PCDHA10: variants seen among roughly 807,000 people sequenced by gnomAD.
PCDHA10 encodes protocadherin alpha-10.
In PCDHA10, 45 loss-of-function variants were observed where a neutral mutation model predicts 61.2. The ratio of observed to expected loss-of-function variants is 0.74; its 90% CI spans 0.58 to 0.94. PCDHA10 has a LOEUF of 0.94. Ranked by LOEUF, PCDHA10 falls within the 40% of genes least tolerant of loss-of-function variation. The pLI, the probability that PCDHA10 is intolerant of heterozygous loss-of-function variation, is 0.00. For synonymous variants in PCDHA10, 602 were observed against 548.8 expected (o/e 1.10, Z -1.35); for missense variants, 1,278 against 1,236.2 (o/e 1.03, Z -0.51).
intron 1 of PCDHA10, among the ~76,000 whole-genome samples, chr5:140,905,211 G>A (rs1554191947): frequency 6.6e-6 from 1 of 152,130 alleles, no homozygotes; most frequent in Non-Finnish European, 1.5e-5. Flanking sequence ...GTTGATTTTT[G>A]TGTAAGGTGA....
chr5:140,863,171 C>T (rs782749533), intron 1 of PCDHA10: 11 of 696,670 alleles, frequency 1.6e-5, no homozygotes, highest in Non-Finnish European at 2.8e-5. Flanking sequence ...CTGGCGCTGA[C>T]TGCCACCGTC....
intron 1 of PCDHA10, chr5:140,869,938 T>TA (rs2051517617): frequency 6.2e-7 from 1 of 1,611,918 alleles, no homozygotes; most frequent in Admixed American, 1.7e-5. Context: ...AGAGGTAACA[T>TA]ACTCCTTAAT....
intron 3 of PCDHA10, among the ~76,000 whole-genome samples, chr5:140,994,912 A>G (rs2097655532): frequency 6.6e-6 from 1 of 152,222 alleles, no homozygotes; most frequent in Admixed American, 6.5e-5. Flanking sequence ...GTAGACTGGA[A>G]TCAGATTTTG....
chr5:140,889,403 C>T (rs1246037388), intron 1 of PCDHA10, among the ~76,000 whole-genome samples: 1 of 151,882 alleles, frequency 6.6e-6, no homozygotes, highest in Non-Finnish European at 1.5e-5. Flanking sequence ...TTAATTTACT[C>T]GAGTCAGTTA....
chr5:140,896,228 G>C (rs567886194), intron 1 of PCDHA10, among the ~76,000 whole-genome samples: 1 of 152,298 alleles, frequency 6.6e-6, no homozygotes, highest in South Asian at 2.1e-4. Context: ...CTTTATAGTA[G>C]AATGACTTAT....
intron 1 of PCDHA10, among the ~76,000 whole-genome samples, chr5:140,919,657 A>G (rs1341455821): frequency 3.9e-5 from 6 of 152,258 alleles, no homozygotes; most frequent in Non-Finnish European, 8.8e-5. Flanking sequence ...AGTTTACCAT[A>G]TATATTTTAG....
intron 1 of PCDHA10, among the ~76,000 whole-genome samples, chr5:140,899,543 G>C (rs1231734616): frequency 1.3e-5 from 2 of 152,144 alleles, no homozygotes; most frequent in Non-Finnish European, 2.9e-5. Flanking sequence ...CTTGATCATG[G>C]TGGATAAGCT....
rs1419215366 is a variant in PCDHA10, at chr5:141,010,888, T to G, written c.*951T>G. 2 of 153,748 alleles carry G rather than the reference T, an allele frequency of 1.3e-5. No homozygotes were observed. The highest frequency in any genetic ancestry group is 2.9e-5 in the Non-Finnish European group (2 of 68,032). The allele number at this position is 153,748 out of a possible 1,614,324, so 9.5% of individuals were successfully genotyped here. On this transcript the variant is annotated 3_prime_UTR_variant, in exon 4 of 4. Coordinates refer to ENST00000307360, the MANE Select transcript of PCDHA10 (RefSeq NM_018901.4). Reference sequence around the variant, plus strand: ...AGCTATAAATCTTTAAAGAGAAATATGAATACAATTCCCCTAAACTCTCCT... The same window carrying G: ...AGCTATAAATCTTTAAAGAGAAATAGGAATACAATTCCCCTAAACTCTCCT...
intron 1 of PCDHA10, among the ~76,000 whole-genome samples, chr5:140,886,636 G>A (rs555391002): frequency 2.6e-5 from 4 of 151,866 alleles, no homozygotes; most frequent in Non-Finnish European, 4.4e-5. Flanking sequence ...GACCAGCCTG[G>A]CCAACATGGT....
chr5:140,989,745 C>A (rs1554251059), intron 3 of PCDHA10, among the ~76,000 whole-genome samples: 2 of 152,154 alleles, frequency 1.3e-5, no homozygotes, highest in African/African-American at 4.8e-5. Context: ...ATTGCCTAAT[C>A]TGGAGAAACA....
At chr5:140,910,028 T>C (rs1402911275) in intron 1 of PCDHA10, among the ~76,000 whole-genome samples, 4 of 152,222 alleles carry the variant, frequency 2.6e-5, no homozygotes, top group African/African-American at 9.6e-5. Flanking sequence ...ATCCCTGGGA[T>C]AAATCCCACT....
intron 1 of PCDHA10, among the ~76,000 whole-genome samples, chr5:140,902,264 C>G (rs1187258512): frequency 6.8e-6 from 1 of 147,240 alleles, no homozygotes; most frequent in Admixed American, 6.9e-5. Context: ...TCTCGAACTC[C>G]TGGGCTCAAG....
At chr5:140,956,132 C>A (rs782171826) in intron 1 of PCDHA10, among the ~76,000 whole-genome samples, 1 of 152,028 alleles carries the variant, frequency 6.6e-6, no homozygotes, top group African/African-American at 2.4e-5. Context: ...ATTTGAATAC[C>A]CTTTATTTCT....
chr5:140,884,409 C>A (rs373513056), intron 1 of PCDHA10: 1 of 1,613,992 alleles, frequency 6.2e-7, no homozygotes, highest in Non-Finnish European at 8.5e-7. Context: ...TTGGTGCTCA[C>A]GTTGCTGCTG....
chr5:140,895,841 C>T (rs1389575745), intron 1 of PCDHA10, among the ~76,000 whole-genome samples: 1 of 152,092 alleles, frequency 6.6e-6, no homozygotes, highest in Admixed American at 6.6e-5. Flanking sequence ...GACAAAGTCT[C>T]ACTCTTGTAC....
chr5:140,907,863 C>T (rs763021038), intron 1 of PCDHA10, among the ~76,000 whole-genome samples: 4 of 152,208 alleles, frequency 2.6e-5, no homozygotes, highest in African/African-American at 7.2e-5. Context: ...TGAGGCCAGC[C>T]GTTGGTGAGC....
At chr5:140,925,826 G>T (rs1284588733) in intron 1 of PCDHA10, among the ~76,000 whole-genome samples, 3 of 152,066 alleles carry the variant, frequency 2.0e-5, no homozygotes, top group Non-Finnish European at 2.9e-5. Flanking sequence ...CTTCTTTGGG[G>T]ACGGGTCGTC....
chr5:140,928,105 C>T, intron 1 of PCDHA10: 6 of 1,614,150 alleles, frequency 3.7e-6, no homozygotes, highest in Middle Eastern at 1.6e-4. Flanking sequence ...GCCCCTGGAC[C>T]GGGAGCAGAT....
At chr5:140,971,221 G>A (rs1234658755) in intron 1 of PCDHA10, among the ~76,000 whole-genome samples, 1 of 152,082 alleles carries the variant, frequency 6.6e-6, no homozygotes, top group East Asian at 1.9e-4. Flanking sequence ...TCCCTCTCCT[G>A]ACTCAAAGCT....
Sources: gnomAD v4.1 joint callset for allele counts (sites outside exome capture counted in the v4.1 genomes callset) on GRCh38, gnomAD v4.1.1 for gene constraint, MANE v1.5 for transcripts, NCBI Gene and HGNC (gene_info 2026-07-23, HGNC 2026-07-21) for gene names.